PTPRD: variants seen among roughly 807,000 people sequenced by gnomAD.
The protein encoded by PTPRD is receptor-type tyrosine-protein phosphatase delta.
A neutral mutation model predicts 214.5 loss-of-function variants in PTPRD; 34 were observed. That is an observed-to-expected ratio of 0.16 (90% CI 0.12 to 0.21). The LOEUF (loss-of-function observed/expected upper bound fraction) is 0.21, where lower values mean the gene tolerates loss of function less well. Among genes scored for constraint, PTPRD ranks in the 10% least tolerant of loss-of-function variants. PTPRD has a pLI of 1.00. For synonymous variants in PTPRD, 1,128 were observed against 845.7 expected, an observed-to-expected ratio of 1.33 and a Z score of -5.79; for missense variants, 2,545 against 2,398.7, an observed-to-expected ratio of 1.06 and a Z score of -1.27.
At chr9:9,320,296 C>T (rs1345184870) in intron 9 of PTPRD, among the ~76,000 whole-genome samples, 3 of 151,854 alleles carry the variant, frequency 2.0e-5, no homozygotes, top group East Asian at 3.9e-4. Flanking sequence ...ATAGACAATA[C>T]GGAGAAGAAG....
At chr9:8,579,034 G>A (rs983922685) in intron 14 of PTPRD, among the ~76,000 whole-genome samples, 1 of 152,106 alleles carries the variant, frequency 6.6e-6, no homozygotes, top group Non-Finnish European at 1.5e-5. Flanking sequence ...CTCTGTATAT[G>A]CAACACTTAC....
intron 4 of PTPRD, among the ~76,000 whole-genome samples, chr9:10,017,484 C>T (rs1339821291): frequency 6.6e-6 from 1 of 151,936 alleles, no homozygotes; most frequent in Non-Finnish European, 1.5e-5. Flanking sequence ...CTTATTTAAG[C>T]AAAGCTTGTC....
At chr9:10,070,528 G>C (rs1021395327) in intron 3 of PTPRD, among the ~76,000 whole-genome samples, 6 of 151,636 alleles carry the variant, frequency 4.0e-5, no homozygotes, top group African/African-American at 1.5e-4. Flanking sequence ...AGTAACACTA[G>C]GAATAATTAA....
At chr9:9,779,606 G>A (rs879708641) in intron 5 of PTPRD, among the ~76,000 whole-genome samples, 11 of 152,072 alleles carry the variant, frequency 7.2e-5, no homozygotes, top group African/African-American at 2.7e-4. Flanking sequence ...TATAAAAAAT[G>A]CTCAACATCA....
chr9:9,445,793 A>G (rs1311218953), intron 8 of PTPRD, among the ~76,000 whole-genome samples: 1 of 152,116 alleles, frequency 6.6e-6, no homozygotes, highest in Non-Finnish European at 1.5e-5. Flanking sequence ...ACACAGCCAA[A>G]CCATATCAGC....
intron 2 of PTPRD, among the ~76,000 whole-genome samples, chr9:10,366,003 G>C (rs2097508213): frequency 6.6e-6 from 1 of 152,148 alleles, no homozygotes; most frequent in Non-Finnish European, 1.5e-5. Context: ...GGTGTAGGCT[G>C]TTGACTGCCA....
At chr9:9,893,621 A>G (rs947841050) in intron 5 of PTPRD, among the ~76,000 whole-genome samples, 3 of 152,142 alleles carry the variant, frequency 2.0e-5, no homozygotes, top group Non-Finnish European at 4.4e-5. Flanking sequence ...TTGTTTTGAC[A>G]TTGGAGAATT....
At chr9:8,784,956 A>C (rs1202445848) in intron 11 of PTPRD, among the ~76,000 whole-genome samples, 1 of 152,220 alleles carries the variant, frequency 6.6e-6, no homozygotes, top group Non-Finnish European at 1.5e-5. Flanking sequence ...TTCAAGTTTC[A>C]AATGATCAGG....
At chr9:9,150,083 T>G (rs2099875348) in intron 10 of PTPRD, among the ~76,000 whole-genome samples, 1 of 152,176 alleles carries the variant, frequency 6.6e-6, no homozygotes, top group Admixed American at 6.5e-5. Context: ...GTGACGCTAT[T>G]GAAATTACAG....
At chr9:9,330,279 C>T (rs2041821146) in intron 9 of PTPRD, among the ~76,000 whole-genome samples, 1 of 152,018 alleles carries the variant, frequency 6.6e-6, no homozygotes, top group African/African-American at 2.4e-5. Flanking sequence ...CTTCTATTCT[C>T]AAATGACTTT....
At chr9:9,266,929 GA>G (rs1462369528) in intron 9 of PTPRD, among the ~76,000 whole-genome samples, 3 of 151,016 alleles carry the variant, frequency 2.0e-5, no homozygotes, top group Non-Finnish European at 4.4e-5. Flanking sequence ...AAGTTAGAAG[GA>G]AGGAAATAAC....
intron 5 of PTPRD, among the ~76,000 whole-genome samples, chr9:9,891,842 T>C (rs962088396): frequency 6.6e-6 from 1 of 152,174 alleles, no homozygotes; most frequent in Non-Finnish European, 1.5e-5. Flanking sequence ...ATTTAGATTT[T>C]ATCAAAGTAT....
chr9:8,604,854 A>AT (rs1038876690), intron 14 of PTPRD, among the ~76,000 whole-genome samples: 1 of 152,142 alleles, frequency 6.6e-6, no homozygotes, highest in Non-Finnish European at 1.5e-5. Flanking sequence ...GGGAGAGAAA[A>AT]TAAGGTCATC....
intron 3 of PTPRD, among the ~76,000 whole-genome samples, chr9:10,283,821 A>C (rs902138791): frequency 6.6e-6 from 1 of 152,160 alleles, no homozygotes; most frequent in Non-Finnish European, 1.5e-5. Context: ...ACAGAATTTT[A>C]TGTGTGCAGA....
rs1436741489 is a variant in PTPRD, at chr9:8,957,976, AG to A, written c.-104+60720del. Among the ~76,000 whole-genome samples the A allele has an allele frequency of 1.1e-4, 17 of 149,536 alleles. No individual in the cohort carries two copies. The East Asian group carries it at 2.8e-3, about 24-fold the overall frequency. On this transcript the variant is annotated intron_variant, in intron 11 of 45. Transcript: ENST00000381196. ...CATTTAGATCTTCAGAAGATCACAA[AG>A]AAGTGATGAAAAGTAATACCTTAGC...
chr9:9,136,193 T>G (rs2099850554), intron 10 of PTPRD, among the ~76,000 whole-genome samples: 1 of 152,128 alleles, frequency 6.6e-6, no homozygotes, highest in South Asian at 2.1e-4. Flanking sequence ...ATGTTCACAT[T>G]AAGGAGAAAA....
chr9:9,804,110 C>T (rs1259335946), intron 5 of PTPRD, among the ~76,000 whole-genome samples: 1 of 151,988 alleles, frequency 6.6e-6, no homozygotes, highest in Non-Finnish European at 1.5e-5. Flanking sequence ...TTTTGATCAG[C>T]TTCTAACCTC....
intron 4 of PTPRD, among the ~76,000 whole-genome samples, chr9:10,004,948 TTAAC>T (rs1294994400): frequency 1.3e-5 from 2 of 152,146 alleles, no homozygotes; most frequent in African/African-American, 4.8e-5. Context: ...GGTCTTAAAA[TTAAC>T]TAACTCAAAA....
At chr9:10,228,645 T>C (rs2099597223) in intron 3 of PTPRD, among the ~76,000 whole-genome samples, 1 of 151,640 alleles carries the variant, frequency 6.6e-6, no homozygotes, top group South Asian at 2.1e-4. Context: ...TCTATCTGTA[T>C]TTCTTTATGA....
Sources: gnomAD v4.1 joint callset for allele counts (sites outside exome capture counted in the v4.1 genomes callset) on GRCh38, gnomAD v4.1.1 for gene constraint, MANE v1.5 for transcripts, NCBI Gene and HGNC (gene_info 2026-07-23, HGNC 2026-07-21) for gene names.